The following NTM variants were observed in gnomAD, a reference collection of about 807,000 sequenced individuals.
NTM encodes the protein neurotrimin.
NTM carries 13 observed loss-of-function variants against 42.1 expected under a neutral mutation model. That is an observed-to-expected ratio of 0.31 (90% CI 0.20 to 0.49). The LOEUF is 0.49. NTM is among the 20% of genes least tolerant of loss of function. The probability of loss-of-function intolerance (pLI) is 0.99; values close to 1 mark genes in which losing one functional copy is unlikely to be tolerated. For missense variants in NTM, 373 were observed against 452.8 expected (o/e 0.82, Z 1.60); for synonymous variants, 187 against 179.2 (o/e 1.04, Z -0.35).
At chr11:131,642,091 G>T (rs560491863) in intron 1 of NTM, among the ~76,000 whole-genome samples, 1 of 152,266 alleles carries the variant, frequency 6.6e-6, no homozygotes, top group African/African-American at 2.4e-5. Context: ...AGAACAAAAG[G>T]AGATACTCAC....
Position 131,710,517 on chromosome 11 carries a change from G to C in NTM, c.83-201047G>C, listed in dbSNP as rs76710829. Among the ~76,000 whole-genome samples the C allele has an allele frequency of 8.9e-3, 1,356 of 152,178 alleles. 24 individuals carry two copies. The highest frequency in any genetic ancestry group is 0.027 in the African/African-American group (1,110 of 41,522). ...GTACTGAAATCTTATTATTGGTTTC[G>C]ATTCAGGTAGTTATTTTATTTCTGT... On this transcript the variant is annotated intron_variant, in intron 1 of 8. Transcript: ENST00000683400.
At chr11:131,771,002 A>G (rs1305984150) in intron 1 of NTM, 2 of 152,148 alleles carry the variant, frequency 1.3e-5, no homozygotes, top group East Asian at 3.8e-4. Context: ...TTTCACATTT[A>G]CCGTAGCACT....
chr11:131,907,499 C>G (rs544882144), intron 1 of NTM, among the ~76,000 whole-genome samples: 2 of 152,244 alleles, frequency 1.3e-5, no homozygotes, highest in South Asian at 4.1e-4. Context: ...TATGTGTGTA[C>G]ATGTTTGTGA....
intron 1 of NTM, among the ~76,000 whole-genome samples, chr11:131,495,143 T>C (rs1301437223): frequency 6.6e-6 from 1 of 152,120 alleles, no homozygotes; most frequent in Non-Finnish European, 1.5e-5. Flanking sequence ...AGCTTTTGGG[T>C]CCTGCCCCCT....
chr11:131,566,432 CGTGTGTGT>C (rs60357480), intron 1 of NTM, among the ~76,000 whole-genome samples: 3 of 150,946 alleles, frequency 2.0e-5, no homozygotes, highest in Admixed American at 2.0e-4. Context: ...TCTCGATGTG[CGTGTGTGT>C]GTGTGTGTGT....
chr11:131,620,391 A>G (rs2137643799), intron 1 of NTM, among the ~76,000 whole-genome samples: 1 of 152,236 alleles, frequency 6.6e-6, no homozygotes, highest in African/African-American at 2.4e-5. Flanking sequence ...ATCCTTTTCA[A>G]ACATAATTAG....
chr11:131,993,580 T>C (rs373688043), intron 2 of NTM, among the ~76,000 whole-genome samples: 1 of 152,204 alleles, frequency 6.6e-6, no homozygotes, highest in South Asian at 2.1e-4. Flanking sequence ...TGTTTGCAAA[T>C]GATAGATGAA....
At chr11:131,824,463 A>G (rs903912631) in intron 1 of NTM, among the ~76,000 whole-genome samples, 11 of 152,190 alleles carry the variant, frequency 7.2e-5, no homozygotes, top group African/African-American at 2.2e-4. Context: ...ATAAAAGGTA[A>G]TGCGGCAAGT....
chr11:131,842,558 T>C (rs2044387016), intron 1 of NTM, among the ~76,000 whole-genome samples: 3 of 152,134 alleles, frequency 2.0e-5, no homozygotes, highest in Admixed American at 2.0e-4. Context: ...AAATGAACAT[T>C]ATCTACTAAG....
chr11:131,894,553 A>C (rs2051936850), intron 1 of NTM, among the ~76,000 whole-genome samples: 1 of 152,190 alleles, frequency 6.6e-6, no homozygotes, highest in South Asian at 2.1e-4. Context: ...ATGAGAAATC[A>C]GTCAGATGTG....
intron 2 of NTM, among the ~76,000 whole-genome samples, chr11:132,049,878 G>T (rs1055417490): frequency 6.6e-6 from 1 of 152,158 alleles, no homozygotes; most frequent in Non-Finnish European, 1.5e-5. Context: ...AGGGAAAACT[G>T]ATGTCTCATT....
At chr11:131,900,337 G>A (rs2052962866) in intron 1 of NTM, among the ~76,000 whole-genome samples, 1 of 152,238 alleles carries the variant, frequency 6.6e-6, no homozygotes, top group South Asian at 2.1e-4. Flanking sequence ...ATACACAGAT[G>A]CCACGTCCTG....
At chr11:132,288,745 G>T (rs2094344768) in intron 4 of NTM, among the ~76,000 whole-genome samples, 1 of 151,928 alleles carries the variant, frequency 6.6e-6, no homozygotes, top group Non-Finnish European at 1.5e-5. Context: ...TCAGCCTCCT[G>T]AGTAGCTGGG....
intron 1 of NTM, among the ~76,000 whole-genome samples, chr11:131,883,831 G>A (rs1018913989): frequency 2.0e-5 from 3 of 152,102 alleles, no homozygotes; most frequent in Non-Finnish European, 4.4e-5. Context: ...AAAGTAGAAA[G>A]GGCAGCATCA....
intron 1 of NTM, among the ~76,000 whole-genome samples, chr11:131,477,048 G>C (rs1441015144): frequency 1.3e-5 from 2 of 152,166 alleles, no homozygotes; most frequent in African/African-American, 4.8e-5. Context: ...GCATGTCTTA[G>C]GCCTCAGTGA....
chr11:131,515,590 T>C (rs1376890374), intron 1 of NTM, among the ~76,000 whole-genome samples: 11 of 152,226 alleles, frequency 7.2e-5, no homozygotes, highest in African/African-American at 2.4e-4. Context: ...AAGGCGAGAA[T>C]TGTAAAGATC....
chr11:131,955,222 C>A (rs2061432071), intron 2 of NTM, among the ~76,000 whole-genome samples: 1 of 152,160 alleles, frequency 6.6e-6, no homozygotes, highest in South Asian at 2.1e-4. Flanking sequence ...ACCAATGCTA[C>A]CTATTATCAT....
At chr11:131,686,879 T>C (rs962059553) in intron 1 of NTM, among the ~76,000 whole-genome samples, 2 of 152,210 alleles carry the variant, frequency 1.3e-5, no homozygotes, top group African/African-American at 4.8e-5. Flanking sequence ...TTGGAGAATG[T>C]TCCATCTGCT....
chr11:132,147,709 C>T (rs1282364782), intron 3 of NTM, among the ~76,000 whole-genome samples: 1 of 152,040 alleles, frequency 6.6e-6, no homozygotes, highest in Non-Finnish European at 1.5e-5. Flanking sequence ...GATCCCGAGG[C>T]CCTTTCAACC....
Sources: gnomAD v4.1 joint callset for allele counts (sites outside exome capture counted in the v4.1 genomes callset) on GRCh38, gnomAD v4.1.1 for gene constraint, MANE v1.5 for transcripts, NCBI Gene and HGNC (gene_info 2026-07-23, HGNC 2026-07-21) for gene names.